RANBP17: variants seen among roughly 807,000 people sequenced by gnomAD.
The protein encoded by RANBP17 is RAN binding protein 17.
In RANBP17, 158 loss-of-function variants were observed where a neutral mutation model predicts 141.2. That is an observed-to-expected ratio of 1.12 (90% CI 0.98 to 1.28). The LOEUF (loss-of-function observed/expected upper bound fraction) is 1.28. RANBP17 is among the 50% of genes most tolerant of loss of function. The pLI, the probability that RANBP17 is intolerant of heterozygous loss-of-function variation, is 0.00. For synonymous variants in RANBP17, 430 were observed against 450.0 expected, an observed-to-expected ratio of 0.96 and a Z score of 0.56; for missense variants, 1,438 against 1,290.7, an observed-to-expected ratio of 1.11 and a Z score of -1.75.
rs1776732226 is a variant in RANBP17, at chr5:170,968,256, T to C, written c.1589T>C (p.Ile530Thr). 3.2e-6 allele frequency: 5 copies of C among 1,577,912 alleles called. No homozygotes were observed. The highest frequency in any genetic ancestry group is 1.4e-5 in the African/African-American group (1 of 72,698). The change falls in exon 14 of 28, where the codon ATA (isoleucine) becomes ACA (threonine). Residue 530 changes from isoleucine (I) to threonine (T), a missense_variant. Ile to Thr is a moderately conservative substitution (Grantham distance 89). Transcript: ENST00000523189. ...CCTTCATGAAGAGTTTTTCAGCTTATATCTTTAATGGATACCGGATTGCCT... is the reference window on the plus strand; with the variant it reads ...CCTTCATGAAGAGTTTTTCAGCTTACATCTTTAATGGATACCGGATTGCCT... The part of the protein sequence containing the change: ...GELSCRVFQL[I>T]SLMDTGLPRC...
intron 7 of RANBP17, among the ~76,000 whole-genome samples, chr5:170,913,726 ACAAT>A (rs1364386870): frequency 7.2e-5 from 11 of 152,188 alleles, no homozygotes; most frequent in South Asian, 2.1e-4. Flanking sequence ...CTAAAGTAAA[ACAAT>A]CAAATGAAGA....
chr5:171,143,798 A>G (rs1757861755), intron 14 of RANBP17, among the ~76,000 whole-genome samples: 1 of 152,202 alleles, frequency 6.6e-6, no homozygotes, highest in South Asian at 2.1e-4. Flanking sequence ...CCTAAGAGAA[A>G]TTATATTTGA....
At chr5:171,018,024 T>C (rs577822441) in intron 14 of RANBP17, among the ~76,000 whole-genome samples, 1 of 152,248 alleles carries the variant, frequency 6.6e-6, no homozygotes, top group Non-Finnish European at 1.5e-5. Context: ...CTTTCCCCAT[T>C]GCTTGTTTTT....
At chr5:171,109,729 G>T (rs959158919) in intron 14 of RANBP17, among the ~76,000 whole-genome samples, 2 of 152,016 alleles carry the variant, frequency 1.3e-5, no homozygotes, top group African/African-American at 4.8e-5. Context: ...TGTTCAGTAC[G>T]GTTGCAACCA....
chr5:171,271,983 A>G (rs1767144386), intron 25 of RANBP17, among the ~76,000 whole-genome samples: 1 of 152,228 alleles, frequency 6.6e-6, no homozygotes. Context: ...AATGTGGTAC[A>G]TATATACACC....
intron 14 of RANBP17, among the ~76,000 whole-genome samples, chr5:170,984,894 T>C (rs1268977616): frequency 6.6e-6 from 1 of 152,150 alleles, no homozygotes; most frequent in African/African-American, 2.4e-5. Context: ...AAAGGTCCAT[T>C]TTAATTTTTA....
chr5:171,191,277 A>G (rs1017886338), intron 18 of RANBP17, among the ~76,000 whole-genome samples: 2 of 152,180 alleles, frequency 1.3e-5, no homozygotes, highest in Non-Finnish European at 2.9e-5. Context: ...TTTATTAATA[A>G]TAGTTAACAT....
rs1768724493 is a variant in RANBP17 at position 170,881,855 on chromosome 5, G to A, written c.215G>A (p.Ser72Asn). 1 of 1,610,102 alleles carries A rather than the reference G, an allele frequency of 6.2e-7. No individual in the cohort carries two copies. Among genetic ancestry groups the A allele is most frequent in the Non-Finnish European group, 8.5e-7 (1 of 1,177,910 alleles). ...LAATCLSKLV[S>N]RVSPLPVEQR... ...GCAACATGTCTTTCAAAACTTGTCA[G>A]CCGAGTCAGTCCTTTACCTGTTGAG... is the stretch of plus-strand genomic sequence containing the variant. The change falls in exon 3 of 28, where the codon AGC (serine) becomes AAC (asparagine). Residue 72 changes from serine (S) to asparagine (N), a missense_variant. Transcript: ENST00000523189.
chr5:171,243,641 A>G (rs944715781), intron 24 of RANBP17, among the ~76,000 whole-genome samples: 2 of 152,236 alleles, frequency 1.3e-5, no homozygotes, highest in African/African-American at 4.8e-5. Flanking sequence ...GCTGTCACCA[A>G]CAGTATATGA....
chr5:170,892,371 A>G lies in RANBP17; in HGVS notation c.257-16A>G, dbSNP rs761484010. 1 of 1,576,052 alleles carries G rather than the reference A, an allele frequency of 6.3e-7. No homozygotes were observed. Among genetic ancestry groups the G allele is most frequent in the Non-Finnish European group, 8.6e-7 (1 of 1,162,218 alleles). On this transcript the variant is annotated splice_polypyrimidine_tract_variant and intron_variant, in intron 3 of 27. Coordinates refer to ENST00000523189, the MANE Select transcript of RANBP17 (RefSeq NM_022897.5). ...TCTGAAAAGTCCAGATGACCCATGGAGTGTTTTCTTTGTAGGAAACTACAT... is the reference window on the plus strand; with the variant it reads ...TCTGAAAAGTCCAGATGACCCATGGGGTGTTTTCTTTGTAGGAAACTACAT...
At chr5:171,097,644 A>G (rs1786793807) in intron 14 of RANBP17, among the ~76,000 whole-genome samples, 1 of 146,080 alleles carries the variant, frequency 6.8e-6, no homozygotes. Flanking sequence ...TATTATTATT[A>G]TTATTATTAT....
rs574687442 is a variant in RANBP17, at chr5:171,014,896, TG to T, written c.1710+46520del. The stretch of plus-strand genomic sequence containing the variant: ...ATATGTCTGGAAAAACATTTATTTT[TG>T]CCTACTGTTTTGGAAGATGTTAACA... On this transcript the variant is annotated intron_variant, in intron 14 of 27. Transcript: ENST00000523189. Among the ~76,000 whole-genome samples the T allele has an allele frequency of 2.9e-4, 44 of 152,204 alleles. No homozygotes were observed. The East Asian group carries it at 4.1e-3, about 14-fold the overall frequency.
At chr5:170,956,888 G>A (rs867330943) in intron 13 of RANBP17, among the ~76,000 whole-genome samples, 13 of 151,736 alleles carry the variant, frequency 8.6e-5, no homozygotes, top group Admixed American at 3.3e-4. Context: ...TGGCTAACAC[G>A]GTGAAACCCC....
chr5:170,887,874 T>C (rs148762414), intron 3 of RANBP17, among the ~76,000 whole-genome samples: 1 of 152,170 alleles, frequency 6.6e-6, no homozygotes, highest in African/African-American at 2.4e-5. Context: ...GAAATCGTCC[T>C]TTTTAAAGGA....
chr5:171,174,864 A>G (rs759703466), intron 16 of RANBP17, among the ~76,000 whole-genome samples: 2 of 151,562 alleles, frequency 1.3e-5, no homozygotes, highest in South Asian at 4.2e-4. Flanking sequence ...GGTTTGTTAC[A>G]TAGGTACACG....
rs770600135 is a variant in RANBP17 at position 170,914,256 on chromosome 5, T to A, written c.834+16T>A. The A allele has an allele frequency of 2.0e-6, 3 of 1,500,640 alleles. No homozygotes were observed. Among genetic ancestry groups the A allele is most frequent in the Non-Finnish European group, 2.8e-6 (3 of 1,078,682 alleles). The allele number at this position is 1,500,640 out of a possible 1,614,324, so 93.0% of individuals were successfully genotyped here. A position where few individuals can be genotyped will look rare whatever the true frequency, so the allele number is the denominator to read the frequency against. On this transcript the variant is annotated intron_variant, in intron 8 of 27. Coordinates refer to ENST00000523189, the MANE Select transcript of RANBP17 (RefSeq NM_022897.5). ...ATCTCAGTTAGTAAGTAAAAGTCAT[T>A]CGTTATTTCGTTAAAAAATACCTGT...
chr5:171,253,976 G>A (rs796907277), intron 24 of RANBP17, among the ~76,000 whole-genome samples: 10 of 152,210 alleles, frequency 6.6e-5, no homozygotes, highest in African/African-American at 1.2e-4. Flanking sequence ...GGCTAGGCGC[G>A]GTGGCTCACG....
intron 14 of RANBP17, among the ~76,000 whole-genome samples, chr5:171,014,245 G>C (rs1294982422): frequency 6.6e-6 from 1 of 151,786 alleles, no homozygotes; most frequent in East Asian, 1.9e-4. Flanking sequence ...GGCAGCATAT[G>C]ATTCAGCCTT....
At chr5:171,279,976 G>A (rs1324174147) in intron 25 of RANBP17, among the ~76,000 whole-genome samples, 1 of 152,162 alleles carries the variant, frequency 6.6e-6, no homozygotes, top group Admixed American at 6.5e-5. Flanking sequence ...CTGTCTAAGA[G>A]AGACAGCAGA....
Sources: gnomAD v4.1 joint callset for allele counts (sites outside exome capture counted in the v4.1 genomes callset) on GRCh38, gnomAD v4.1.1 for gene constraint, MANE v1.5 for transcripts, NCBI Gene and HGNC (gene_info 2026-07-23, HGNC 2026-07-21) for gene names.